The following EIF4EBP2 variants were observed in gnomAD, a reference collection of about 807,000 sequenced individuals.
EIF4EBP2 encodes the protein eukaryotic translation initiation factor 4E-binding protein 2.
A neutral mutation model predicts 10.3 loss-of-function variants in EIF4EBP2; 5 were observed. The observed-to-expected ratio is 0.48, with a 90% confidence interval of 0.25 to 1.02. The LOEUF is 1.02. Ranked by LOEUF, EIF4EBP2 falls within the 50% of genes least tolerant of loss-of-function variation. The pLI is 0.15. For missense variants in EIF4EBP2, 188 were observed against 162.2 expected, an observed-to-expected ratio of 1.16 and a Z score of -0.86; for synonymous variants, 67 against 61.1, an observed-to-expected ratio of 1.10 and a Z score of -0.45.
intron 1 of EIF4EBP2, among the ~76,000 whole-genome samples, chr10:70,407,960 G>A (rs1180061667): frequency 2.5e-5 from 3 of 119,464 alleles, no homozygotes; most frequent in East Asian, 2.7e-4. Context: ...CCTCCTGGAC[G>A]GGGCGGCTGG....
intron 1 of EIF4EBP2, among the ~76,000 whole-genome samples, chr10:70,415,734 G>A (rs1178510646): frequency 6.6e-6 from 1 of 152,202 alleles, no homozygotes; most frequent in Non-Finnish European, 1.5e-5. Context: ...AAAAACTGAA[G>A]GTGGACCAGA....
chr10:70,407,836 G>A (rs1393520588), intron 1 of EIF4EBP2, among the ~76,000 whole-genome samples: 81 of 143,216 alleles, frequency 5.7e-4, no homozygotes, highest in African/African-American at 1.9e-3. Context: ...TCCCAGATGG[G>A]GCGGCTGGCC....
intron 1 of EIF4EBP2, among the ~76,000 whole-genome samples, chr10:70,409,338 G>A (rs1467825229): frequency 6.6e-6 from 1 of 152,048 alleles, no homozygotes; most frequent in African/African-American, 2.4e-5. Flanking sequence ...GGAGGAGTGG[G>A]GATGATATTT....
In EIF4EBP2 at chr10:70,426,364, AG is replaced by A. The variant is rs1330838897; in HGVS notation, c.*4619del. 2 of 152,212 alleles carry A rather than the reference AG, an allele frequency of 1.3e-5. No homozygotes were observed. The highest frequency in any genetic ancestry group is 1.5e-5 in the Non-Finnish European group (1 of 68,076). 9.4% of individuals were successfully genotyped at this position (152,212 alleles called of 1,614,324 possible). On this transcript the variant is annotated 3_prime_UTR_variant, in exon 3 of 3. Transcript: ENST00000373218. ...CAGCTCACTGCAGCCTCTGCTTCCC[AG>A]GTTCAAGTGTTTCTCCTGCCTCAGC...
rs530212090 is a variant in EIF4EBP2, at chr10:70,413,454, C to T, written c.146-6460C>T. 2.0e-5 allele frequency among the ~76,000 whole-genome samples: 3 copies of T among 151,800 alleles called. No homozygotes were observed. In the East Asian group the frequency reaches 5.8e-4, roughly 29 times the overall value. On this transcript the variant is annotated intron_variant, in intron 1 of 2. Coordinates refer to ENST00000373218, the MANE Select transcript of EIF4EBP2 (RefSeq NM_004096.5). ...CAGTCAGGGCAACGTAATGAGACCC[C>T]ATCTCTACAAAATATAAAATTAGTT...
rs976447343 is a variant in EIF4EBP2, at chr10:70,427,761, C to G, written c.*6014C>G. The G allele has an allele frequency of 6.6e-6, 1 of 152,128 alleles. No homozygotes were observed. Among genetic ancestry groups the G allele is most frequent in the Non-Finnish European group, 1.5e-5 (1 of 68,026 alleles). The allele number at this position is 152,128 out of a possible 1,614,324, so 9.4% of individuals were successfully genotyped here. On this transcript the variant is annotated 3_prime_UTR_variant, in exon 3 of 3. Coordinates refer to ENST00000373218, the MANE Select transcript of EIF4EBP2 (RefSeq NM_004096.5). ...ACATTTCCAAGGGTATTTAAACTCT[C>G]ACTCTGCCACCTTTCTAAGGGTGGG...
At chr10:70,404,637 C>T (rs984697021) in intron 1 of EIF4EBP2, 91 bp downstream of exon 1, 3 of 1,376,504 alleles carry the variant, frequency 2.2e-6, no homozygotes, top group Non-Finnish European at 2.8e-6. Context: ...TTCGCCCCCG[C>T]CCCCAGCTCC....
chr10:70,416,604 T>G (rs1845098338), intron 1 of EIF4EBP2, among the ~76,000 whole-genome samples: 1 of 148,582 alleles, frequency 6.7e-6, no homozygotes, highest in Non-Finnish European at 1.5e-5. Context: ...AACCAGGCAA[T>G]TTTTCAAAGG....
At chr10:70,418,285 G>A (rs1845118199) in intron 1 of EIF4EBP2, among the ~76,000 whole-genome samples, 1 of 152,186 alleles carries the variant, frequency 6.6e-6, no homozygotes, top group Non-Finnish European at 1.5e-5. Flanking sequence ...TCTTAGTGTT[G>A]GACTTCTAGC....
chr10:70,409,152 T>C (rs1845015811), intron 1 of EIF4EBP2, among the ~76,000 whole-genome samples: 1 of 152,212 alleles, frequency 6.6e-6, no homozygotes, highest in African/African-American at 2.4e-5. Flanking sequence ...AAATTGTCTT[T>C]CTGTGGTTTG....
At chr10:70,420,939 C>T (rs1166632376) in intron 2 of EIF4EBP2, among the ~76,000 whole-genome samples, 14 of 152,068 alleles carry the variant, frequency 9.2e-5, no homozygotes, top group South Asian at 4.1e-4. Context: ...GGGCTACAGG[C>T]GCCTGCCACC....
At chr10:70,420,787 G>A (rs1423641906) in intron 2 of EIF4EBP2, among the ~76,000 whole-genome samples, 1 of 151,970 alleles carries the variant, frequency 6.6e-6, no homozygotes, top group Non-Finnish European at 1.5e-5. Flanking sequence ...AATAGACCTT[G>A]TTTCTTTTGT....
chr10:70,421,726 T>G lies in EIF4EBP2; in HGVS notation c.342T>G (p.Ala114=), dbSNP rs371895672. 1.2e-6 allele frequency: 2 copies of G among 1,613,548 alleles called. No individual in the cohort carries two copies. Among genetic ancestry groups the G allele is most frequent in the Middle Eastern group, 1.7e-4 (1 of 5,742 alleles). ...ATTGGTCCTAACTAGGGGATGATGC[T>G]CAGTTCGAGATGGACATCTGACTCT... is the stretch of plus-strand genomic sequence containing the variant. ...HDRKHAVGDD[A]QFEMDI is the part of the protein sequence containing the mutation. The change falls in exon 3 of 3, where the codon GCT becomes GCG. Residue 114 remains alanine (A), a synonymous_variant. Coordinates refer to ENST00000373218, the MANE Select transcript of EIF4EBP2 (RefSeq NM_004096.5).
At chr10:70,404,576 C>G (rs769488173) in intron 1 of EIF4EBP2, 30 bp downstream of exon 1, 1 of 1,510,442 alleles carries the variant, frequency 6.6e-7, no homozygotes, top group African/African-American at 1.5e-5. Context: ...CCGCCGCGCC[C>G]GGTGTCCCGC....
Position 70,404,318 on chromosome 10 carries a change from C to T in EIF4EBP2, c.-84C>T. On this transcript the variant is annotated 5_prime_UTR_variant, in exon 1 of 3. Transcript: ENST00000373218. ...GAGGAGCGCGCAGAGCGCGCTTTTCCGTCCGCCTGAGGAGCCGAAGCAGCC... is the reference window on the plus strand; with the variant it reads ...GAGGAGCGCGCAGAGCGCGCTTTTCTGTCCGCCTGAGGAGCCGAAGCAGCC... 1 of 1,430,880 alleles carries T rather than the reference C, an allele frequency of 7.0e-7. No homozygotes were observed. Among genetic ancestry groups the T allele is most frequent in the Non-Finnish European group, 9.1e-7 (1 of 1,096,732 alleles). 88.6% of individuals were successfully genotyped at this position (1,430,880 alleles called of 1,614,324 possible). A position where few individuals can be genotyped will look rare whatever the true frequency, so the allele number is the denominator to read the frequency against.
Position 70,425,869 on chromosome 10 carries a change from T to A in EIF4EBP2, c.*4122T>A, listed in dbSNP as rs1845201229. ...GAAAGCAGTTCACATTTAGGTGAAATAGATGATGTTATCAGGAAGCCAGGT... is the reference window on the plus strand; with the variant it reads ...GAAAGCAGTTCACATTTAGGTGAAAAAGATGATGTTATCAGGAAGCCAGGT... On this transcript the variant is annotated 3_prime_UTR_variant, in exon 3 of 3. Coordinates refer to ENST00000373218, the MANE Select transcript of EIF4EBP2 (RefSeq NM_004096.5). 6.6e-6 allele frequency: 1 copy of A among 152,200 alleles called. No homozygotes were observed. The highest frequency in any genetic ancestry group is 2.1e-4 in the South Asian group (1 of 4,836). 9.4% of individuals were successfully genotyped at this position (152,200 alleles called of 1,614,324 possible).
intron 1 of EIF4EBP2, among the ~76,000 whole-genome samples, chr10:70,414,084 A>C (rs1246780853): frequency 1.3e-5 from 2 of 148,274 alleles, no homozygotes; most frequent in African/African-American, 5.3e-5. Context: ...AGAAACCTTA[A>C]ATATTTTAGA....
At position 70,427,253 on chromosome 10, in the gene EIF4EBP2, G is replaced by A. The variant is rs1211531459; in HGVS notation, c.*5506G>A. On this transcript the variant is annotated 3_prime_UTR_variant, in exon 3 of 3. Transcript: ENST00000373218. ...GTGGTATTTGTTTTAAAGAAACATT[G>A]TTTCTTTGGGAGGGCAGTTTCTGTC... 6.6e-6 allele frequency: 1 copy of A among 152,152 alleles called. No homozygotes were observed. The highest frequency in any genetic ancestry group is 1.5e-5 in the Non-Finnish European group (1 of 68,018). 9.4% of individuals were successfully genotyped at this position (152,152 alleles called of 1,614,324 possible).
intron 1 of EIF4EBP2, among the ~76,000 whole-genome samples, chr10:70,413,609 C>CAAAAAA (rs57681671): frequency 3.1e-5 from 3 of 97,334 alleles, no homozygotes; most frequent in Non-Finnish European, 6.0e-5. Flanking sequence ...CCCTGACTCT[C>CAAAAAA]AAAAAAAAAA....
Sources: allele counts gnomAD v4.1 joint callset (sites outside exome capture counted in the v4.1 genomes callset), GRCh38; gene constraint gnomAD v4.1.1; transcripts MANE v1.5; gene names NCBI Gene and HGNC (gene_info 2026-07-23, HGNC 2026-07-21).